NEBL: variants seen among roughly 807,000 people sequenced by gnomAD.
The protein encoded by NEBL is nebulette, also known as LIM and SH3 protein 2.
A neutral mutation model predicts 140.2 loss-of-function variants in NEBL; 122 were observed. That is an observed-to-expected ratio of 0.87 (90% CI 0.75 to 1.01). NEBL has a LOEUF of 1.01. Ranked by LOEUF, NEBL falls within the 50% of genes least tolerant of loss-of-function variation. The probability of loss-of-function intolerance (pLI) is 0.00; values close to 1 mark genes in which losing one functional copy is unlikely to be tolerated. For synonymous variants in NEBL, 436 were observed against 398.9 expected, an observed-to-expected ratio of 1.09 and a Z score of -1.11; for missense variants, 1,365 against 1,231.3, an observed-to-expected ratio of 1.11 and a Z score of -1.62.
chr10:21,095,255 T>C (rs2131975450), intron 2 of NEBL, among the ~76,000 whole-genome samples: 1 of 152,254 alleles, frequency 6.6e-6, no homozygotes, highest in Admixed American at 6.5e-5. Context: ...CAGGGAGTTA[T>C]CTAGGGAGTG....
Position 20,781,911 on chromosome 10 carries a change from T to A in NEBL, c.*3836A>T, listed in dbSNP as rs1289046236. 6.6e-6 allele frequency: 1 copy of A among 152,626 alleles called. No individual in the cohort carries two copies. The highest frequency in any genetic ancestry group is 2.4e-5 in the African/African-American group (1 of 41,452). 9.5% of individuals were successfully genotyped at this position (152,626 alleles called of 1,614,324 possible). ...AACCACAATCTAGCCACTTTTAGAT[T>A]ATCAGAAGCAAATCGCTAAGGTATA... On this transcript the variant is annotated 3_prime_UTR_variant, in exon 28 of 28. Transcript: ENST00000377122.
intron 4 of NEBL, among the ~76,000 whole-genome samples, chr10:20,928,755 T>C (rs1349172860): frequency 6.6e-6 from 1 of 152,196 alleles, no homozygotes; most frequent in African/African-American, 2.4e-5. Context: ...AATCCCTCTC[T>C]CTTGTATCAC....
chr10:20,822,865 C>A (rs1839477938), intron 19 of NEBL, among the ~76,000 whole-genome samples: 1 of 152,122 alleles, frequency 6.6e-6, no homozygotes, highest in Non-Finnish European at 1.5e-5. Context: ...GATGTCTGGG[C>A]TTTTAGTGTA....
intron 2 of NEBL, among the ~76,000 whole-genome samples, chr10:21,248,267 T>C (rs529389492): frequency 1.3e-3 from 196 of 151,694 alleles, no homozygotes; most frequent in Non-Finnish European, 2.0e-3. Flanking sequence ...AGAGATGAGG[T>C]CTCACTATGT....
chr10:20,901,777 G>C (rs957737820), upstream of NEBL, among the ~76,000 whole-genome samples: 1 of 152,090 alleles, frequency 6.6e-6, no homozygotes, highest in African/African-American at 2.4e-5. Context: ...CTTCCGGAAG[G>C]TTCCTGCTTC....
chr10:20,924,703 G>A (rs1833797138), intron 4 of NEBL, among the ~76,000 whole-genome samples: 1 of 152,022 alleles, frequency 6.6e-6, no homozygotes, highest in African/African-American at 2.4e-5. Context: ...TGATAGACAT[G>A]AAAGGGAGAG....
intron 12 of NEBL, among the ~76,000 whole-genome samples, chr10:20,844,965 T>C (rs544322272): frequency 6.6e-5 from 10 of 152,208 alleles, no homozygotes; most frequent in Non-Finnish European, 1.3e-4. Flanking sequence ...TATAAAGCTA[T>C]AAAACTATTT....
chr10:21,075,961 C>T lies in NEBL; in HGVS notation c.165-55760G>A, dbSNP rs543901078. Among the ~76,000 whole-genome samples the T allele has an allele frequency of 7.2e-5, 11 of 152,122 alleles. No individual in the cohort carries two copies. The South Asian group carries it at 2.3e-3, about 32-fold the overall frequency. The stretch of plus-strand genomic sequence containing the variant: ...TACATCAAGAATCATTAGGGAAATG[C>T]AAATCAAAACCACAATGAGATACGA... On this transcript the variant is annotated intron_variant, in intron 2 of 6. Coordinates refer to the NEBL transcript ENST00000417816.
At chr10:20,979,743 G>C (rs1836956357) in intron 3 of NEBL, among the ~76,000 whole-genome samples, 2 of 152,026 alleles carry the variant, frequency 1.3e-5, no homozygotes. Context: ...CTCTCACTCT[G>C]TCACCTGCGC....
intron 3 of NEBL, among the ~76,000 whole-genome samples, chr10:21,186,024 T>G (rs774662664): frequency 6.6e-6 from 1 of 152,154 alleles, no homozygotes; most frequent in Non-Finnish European, 1.5e-5. Context: ...CCATTCCCAA[T>G]GAGAAGATTG....
intron 13 of NEBL, among the ~76,000 whole-genome samples, chr10:20,839,471 G>A (rs903620773): frequency 3.9e-5 from 6 of 152,050 alleles, no homozygotes; most frequent in Admixed American, 3.3e-4. Context: ...TTCCTTTTGG[G>A]AAATGACCTC....
At chr10:20,886,179 T>TA (rs963796441) in intron 4 of NEBL, among the ~76,000 whole-genome samples, 6 of 151,710 alleles carry the variant, frequency 4.0e-5, no homozygotes, top group Non-Finnish European at 5.9e-5. Flanking sequence ...CCCCAGAACT[T>TA]AAAAAAAATT....
At chr10:20,844,229 T>C (rs1449414784) in intron 12 of NEBL, among the ~76,000 whole-genome samples, 3 of 152,098 alleles carry the variant, frequency 2.0e-5, no homozygotes, top group East Asian at 3.8e-4. Flanking sequence ...GATGTGCTCC[T>C]ATAGGCAATT....
At chr10:21,208,722 G>T (rs1340808024) in intron 3 of NEBL, among the ~76,000 whole-genome samples, 1 of 152,142 alleles carries the variant, frequency 6.6e-6, no homozygotes, top group Non-Finnish European at 1.5e-5. Flanking sequence ...CACGAGCAAG[G>T]AGCAGGCCTG....
intron 3 of NEBL, among the ~76,000 whole-genome samples, chr10:21,223,322 T>C (rs1842099633): frequency 6.6e-6 from 1 of 152,232 alleles, no homozygotes; most frequent in African/African-American, 2.4e-5. Flanking sequence ...GTGCCTGGCT[T>C]ATTTCACTTA....
At chr10:21,044,397 T>TAAAAA (rs57176129) in intron 2 of NEBL, among the ~76,000 whole-genome samples, 679 of 34,870 alleles carry the variant, frequency 0.019, 175 homozygotes, top group Middle Eastern at 0.042. Flanking sequence ...AGAGTAAGAA[T>TAAAAA]AAAAAAAAAA....
intron 3 of NEBL, among the ~76,000 whole-genome samples, chr10:21,182,693 T>C (rs996233296): frequency 1.3e-5 from 2 of 152,186 alleles, no homozygotes; most frequent in African/African-American, 4.8e-5. Context: ...AGAAATATAA[T>C]GAGAGCCGCA....
intron 3 of NEBL, among the ~76,000 whole-genome samples, chr10:20,983,095 A>G (rs10828164): frequency 0.21 from 32,441 of 152,110 alleles, 6,915 homozygotes; most frequent in African/African-American, 0.54. Flanking sequence ...AAAAATCCTG[A>G]ATTTCCAACT....
intron 2 of NEBL, among the ~76,000 whole-genome samples, chr10:21,079,143 G>T (rs11817725): frequency 0.15 from 22,815 of 151,954 alleles, 2,025 homozygotes; most frequent in African/African-American, 0.26. Context: ...TCTCTCTCTC[G>T]GAAACCTTCT....
Sources: gnomAD v4.1 joint callset for allele counts (sites outside exome capture counted in the v4.1 genomes callset) on GRCh38, gnomAD v4.1.1 for gene constraint, MANE v1.5 for transcripts, NCBI Gene and HGNC (gene_info 2026-07-23, HGNC 2026-07-21) for gene names.